Variants in ERBB4 observed in about 807,000 individuals in gnomAD.
ERBB4 encodes the protein receptor tyrosine-protein kinase erbB-4.
Under a neutral mutation model 158.0 loss-of-function variants are expected in ERBB4, and 42 were observed. The observed-to-expected ratio is 0.27, with a 90% CI of 0.21 to 0.34. ERBB4 has a LOEUF of 0.34. Ranked by LOEUF, ERBB4 falls within the 10% of genes least tolerant of loss-of-function variation. ERBB4 has a pLI of 1.00. For synonymous variants in ERBB4, 583 were observed against 558.7 expected (o/e 1.04, Z -0.61); for missense variants, 1,333 against 1,624.1 (o/e 0.82, Z 3.08).
rs545131632 is a variant in ERBB4, at chr2:211,557,065, G to C, written c.2487+4838C>G. ...GTAATAACAACTGCCTAGCCATATG[G>C]AGAAGATTGAAACTGGACCCCTTCC... On this transcript the variant is annotated intron_variant, in intron 20 of 27. Transcript: ENST00000342788. Among the ~76,000 whole-genome samples the C allele has an allele frequency of 3.3e-5, 5 of 152,200 alleles. No homozygotes were observed. In the South Asian group the frequency reaches 8.3e-4, roughly 25 times the overall value.
At chr2:211,585,783 T>C (rs1265079056) in intron 19 of ERBB4, among the ~76,000 whole-genome samples, 1 of 152,098 alleles carries the variant, frequency 6.6e-6, no homozygotes, top group Non-Finnish European at 1.5e-5. Flanking sequence ...GTGCAGACTG[T>C]CTATTCTCAA....
chr2:211,557,200 C>A (rs754747973), intron 20 of ERBB4, among the ~76,000 whole-genome samples: 1 of 152,016 alleles, frequency 6.6e-6, no homozygotes, highest in African/African-American at 2.4e-5. Context: ...AGGACATAGG[C>A]ATGGACAAAG....
At chr2:211,626,958 A>AT (rs1331654757) in intron 17 of ERBB4, among the ~76,000 whole-genome samples, 2 of 33,472 alleles carry the variant, frequency 6.0e-5, no homozygotes, top group South Asian at 1.1e-3. Flanking sequence ...AAAAAAAATA[A>AT]AAAAAAAAAA....
At chr2:212,292,964 T>G (rs1290862216) in intron 1 of ERBB4, among the ~76,000 whole-genome samples, 1 of 152,068 alleles carries the variant, frequency 6.6e-6, no homozygotes, top group Admixed American at 6.6e-5. Context: ...TTATTATAAG[T>G]ATACAAATGT....
intron 1 of ERBB4, among the ~76,000 whole-genome samples, chr2:212,536,947 G>T (rs374021573): frequency 6.6e-6 from 1 of 152,108 alleles, no homozygotes. Flanking sequence ...CTAAGAGGCC[G>T]CTTGGAATGT....
At chr2:211,852,388 C>T (rs995757175) in intron 3 of ERBB4, among the ~76,000 whole-genome samples, 2 of 151,946 alleles carry the variant, frequency 1.3e-5, no homozygotes, top group African/African-American at 2.4e-5. Flanking sequence ...AAACACTACC[C>T]TATATAAAAT....
At chr2:211,440,187 T>C (rs533039311) in intron 20 of ERBB4, among the ~76,000 whole-genome samples, 2 of 152,338 alleles carry the variant, frequency 1.3e-5, no homozygotes, top group African/African-American at 2.4e-5. Flanking sequence ...TTTTCTCCCA[T>C]TGATCTCTTG....
chr2:211,711,189 AAC>A (rs954079975), intron 9 of ERBB4, among the ~76,000 whole-genome samples: 1 of 152,190 alleles, frequency 6.6e-6, no homozygotes, highest in African/African-American at 2.4e-5. Flanking sequence ...AATGAAAAGA[AAC>A]ACTTTGTTCT....
At chr2:211,459,849 A>G (rs1410863693) in intron 20 of ERBB4, among the ~76,000 whole-genome samples, 3 of 152,176 alleles carry the variant, frequency 2.0e-5, no homozygotes, top group Non-Finnish European at 4.4e-5. Flanking sequence ...TTATATCTAT[A>G]AAATGAACAT....
intron 3 of ERBB4, among the ~76,000 whole-genome samples, chr2:211,907,006 T>C (rs1313973354): frequency 6.6e-6 from 1 of 151,624 alleles, no homozygotes; most frequent in Non-Finnish European, 1.5e-5. Context: ...TAATGATATT[T>C]GTGTTCTTCT....
rs1372419717 is a variant in ERBB4, at chr2:211,913,655, GTGTATGTGTGTA to G, written c.421+33763_421+33774del. ...TGTGTGTGTGTGTGTGTGTGTGTGTGTGTATGTGTGTATGTGTGTGTGTATGTGTATATATAC... is the reference window on the plus strand; with the variant it reads ...TGTGTGTGTGTGTGTGTGTGTGTGTGTGTGTGTGTGTATGTGTATATATAC... On this transcript the variant is annotated intron_variant, in intron 3 of 27. Coordinates refer to ENST00000342788, the MANE Select transcript of ERBB4 (RefSeq NM_005235.3). Among the ~76,000 whole-genome samples, 6 of 142,286 alleles carry G rather than the reference GTGTATGTGTGTA, an allele frequency of 4.2e-5. No individual in the cohort carries two copies. In the South Asian group the frequency reaches 1.3e-3, roughly 31 times the overall value. 93.3% of individuals were successfully genotyped at this position (142,286 alleles called of 152,430 possible).
chr2:211,603,978 T>C (rs1408452551), intron 19 of ERBB4, among the ~76,000 whole-genome samples: 1 of 152,256 alleles, frequency 6.6e-6, no homozygotes, highest in East Asian at 1.9e-4. Flanking sequence ...TTCTTTTGAT[T>C]GAACTATTAC....
At position 212,203,572 on chromosome 2, in the gene ERBB4, T is replaced by C. The variant is rs376085398; in HGVS notation, c.83-78669A>G. Among the ~76,000 whole-genome samples, 43 of 152,342 alleles carry C rather than the reference T, an allele frequency of 2.8e-4. No homozygotes were observed. In the East Asian group the frequency reaches 7.5e-3, roughly 27 times the overall value. On this transcript the variant is annotated intron_variant, in intron 1 of 27. Coordinates refer to ENST00000342788, the MANE Select transcript of ERBB4 (RefSeq NM_005235.3). ...TAACATGATCTGAACAACTTTTTAATGAATCATTCTATACTTTGGAAAATA... is the reference window on the plus strand; with the variant it reads ...TAACATGATCTGAACAACTTTTTAACGAATCATTCTATACTTTGGAAAATA...
At chr2:211,471,222 G>A (rs1323031862) in intron 20 of ERBB4, among the ~76,000 whole-genome samples, 1 of 152,104 alleles carries the variant, frequency 6.6e-6, no homozygotes, top group Non-Finnish European at 1.5e-5. Flanking sequence ...GGAGGCACCA[G>A]TCACAGGTGA....
chr2:212,410,153 A>T (rs1392491483), intron 1 of ERBB4, among the ~76,000 whole-genome samples: 1 of 152,068 alleles, frequency 6.6e-6, no homozygotes. Context: ...TGTAATCACC[A>T]AAAGACTATA....
At chr2:211,456,876 G>T (rs1010041267) in intron 20 of ERBB4, among the ~76,000 whole-genome samples, 2 of 152,162 alleles carry the variant, frequency 1.3e-5, no homozygotes, top group South Asian at 4.1e-4. Flanking sequence ...ATGCTCACTT[G>T]CAGCCCCCTT....
At position 212,050,886 on chromosome 2, in the gene ERBB4, T is replaced by C. The variant is rs1190437175; in HGVS notation, c.234+73866A>G. Among the ~76,000 whole-genome samples, 7 of 152,228 alleles carry C rather than the reference T, an allele frequency of 4.6e-5. No individual in the cohort carries two copies. In the South Asian group the frequency reaches 1.5e-3, roughly 32 times the overall value. The stretch of plus-strand genomic sequence containing the variant: ...AAATAATCACTACTACCAATACCAA[T>C]CCACCTCCAGAAAATGGGTATTTCT... On this transcript the variant is annotated intron_variant, in intron 2 of 27. Coordinates refer to ENST00000342788, the MANE Select transcript of ERBB4 (RefSeq NM_005235.3).
intron 1 of ERBB4, among the ~76,000 whole-genome samples, chr2:212,418,151 T>C (rs1243444552): frequency 6.6e-6 from 1 of 151,958 alleles, no homozygotes; most frequent in Non-Finnish European, 1.5e-5. Context: ...ATTCGGTCTA[T>C]GGTATTTTGA....
chr2:211,853,008 C>A (rs987584406), intron 3 of ERBB4, among the ~76,000 whole-genome samples: 8 of 151,948 alleles, frequency 5.3e-5, no homozygotes, highest in African/African-American at 1.9e-4. Flanking sequence ...GTCATCACAG[C>A]CTACTACTGG....
Sources: gnomAD v4.1 joint callset for allele counts (sites outside exome capture counted in the v4.1 genomes callset) on GRCh38, gnomAD v4.1.1 for gene constraint, MANE v1.5 for transcripts, NCBI Gene and HGNC (gene_info 2026-07-23, HGNC 2026-07-21) for gene names.